CACNA1C: variants seen among roughly 807,000 people sequenced by gnomAD.
The protein encoded by CACNA1C is voltage-dependent L-type calcium channel subunit alpha-1C.
CACNA1C carries 30 observed loss-of-function variants against 229.0 expected under a neutral mutation model. The observed-to-expected ratio is 0.13, with a 90% CI of 0.10 to 0.18. The LOEUF is 0.18. CACNA1C is among the 10% of genes least tolerant of loss of function. The pLI is 1.00. For missense variants in CACNA1C, 1,658 were observed against 2,845.0 expected (o/e 0.58, Z 9.49); for synonymous variants, 1,114 against 1,132.5 (o/e 0.98, Z 0.33).
At chr12:2,049,559 T>C (rs1407031613), upstream of CACNA1C, 2 of 152,204 alleles carry the variant, frequency 1.3e-5, no homozygotes, top group Non-Finnish European at 2.9e-5. Context: ...AAATTGAGTG[T>C]CCATATGTAC....
intron 3 of CACNA1C, among the ~76,000 whole-genome samples, chr12:2,127,794 T>G (rs2090696240): frequency 6.6e-6 from 1 of 152,176 alleles, no homozygotes; most frequent in Non-Finnish European, 1.5e-5. Flanking sequence ...GGAAGAGAGA[T>G]CTGAACTGTG....
At chr12:2,495,817 C>T (rs1400236164) in intron 7 of CACNA1C, among the ~76,000 whole-genome samples, 1 of 152,224 alleles carries the variant, frequency 6.6e-6, no homozygotes, top group African/African-American at 2.4e-5. Flanking sequence ...TGCACGCCTG[C>T]AAGTGTGTAT....
At chr12:2,521,674 G>A (rs546715653) in intron 9 of CACNA1C, among the ~76,000 whole-genome samples, 4 of 152,288 alleles carry the variant, frequency 2.6e-5, no homozygotes, top group Admixed American at 6.5e-5. Context: ...CAGTGCCTGC[G>A]TTCAGTCAGT....
At chr12:2,427,291 C>G (rs928461406) in intron 3 of CACNA1C, among the ~76,000 whole-genome samples, 2 of 152,140 alleles carry the variant, frequency 1.3e-5, no homozygotes, top group African/African-American at 4.8e-5. Context: ...GGGTTTTCAG[C>G]TGTTCTTTAT....
Position 2,566,596 on chromosome 12 carries a change from C to T in CACNA1C, c.1669+14C>T. 1 of 1,584,670 alleles carries T rather than the reference C, an allele frequency of 6.3e-7. No homozygotes were observed. On this transcript the variant is annotated intron_variant, in intron 12 of 46. Transcript: ENST00000399655. The surrounding 1 kb of genome is among the most constrained non-coding windows in gnomAD (Gnocchi z 4.0). The stretch of plus-strand genomic sequence containing the variant: ...CAGAAGTCCAAGGTGAGCGGCGGCC[C>T]CAGCTCTGCTCTGGTTTCCTCCTGG...
intron 3 of CACNA1C, among the ~76,000 whole-genome samples, chr12:2,232,910 T>C (rs1389438985): frequency 6.6e-6 from 1 of 152,224 alleles, no homozygotes; most frequent in Admixed American, 6.5e-5. Flanking sequence ...CTGGTTGGCT[T>C]CTGTGCCTCT....
intron 30 of CACNA1C, among the ~76,000 whole-genome samples, chr12:2,638,567 G>A (rs1280134728): frequency 1.3e-5 from 2 of 152,212 alleles, no homozygotes; most frequent in Non-Finnish European, 2.9e-5. Flanking sequence ...AGTCAAGGGT[G>A]GAATCTGGAA....
intron 3 of CACNA1C, among the ~76,000 whole-genome samples, chr12:2,362,468 A>T (rs1349536749): frequency 3.9e-5 from 6 of 152,068 alleles, no homozygotes; most frequent in African/African-American, 1.4e-4. Context: ...TTCCTCCCCC[A>T]TAGACCCACC....
Position 2,585,709 on chromosome 12 carries a change from C to T in CACNA1C, c.2461-126C>T. 1.1e-6 allele frequency: 1 copy of T among 900,232 alleles called. No individual in the cohort carries two copies. Among genetic ancestry groups the T allele is most frequent in the Non-Finnish European group, 1.8e-6 (1 of 556,156 alleles). 55.8% of individuals were successfully genotyped at this position (900,232 alleles called of 1,614,324 possible). On this transcript the variant is annotated intron_variant, in intron 17 of 46. Transcript: ENST00000399655. This position sits in a 1 kb window ranked among gnomAD's most constrained non-coding sequence, Gnocchi z 4.1. ...CTGCTGATGTCTTGAAGGAGATATGCAAAGTGACAAGTACCTATTTTTGAG... is the reference window on the plus strand; with the variant it reads ...CTGCTGATGTCTTGAAGGAGATATGTAAAGTGACAAGTACCTATTTTTGAG...
At chr12:2,556,279 C>T (rs907260175) in intron 10 of CACNA1C, among the ~76,000 whole-genome samples, 14 of 152,172 alleles carry the variant, frequency 9.2e-5, no homozygotes, top group South Asian at 2.1e-4. Flanking sequence ...AAGGTTCTGC[C>T]TTTCCATGGA....
At chr12:2,063,184 G>T (rs1341726019) in intron 1 of CACNA1C, among the ~76,000 whole-genome samples, 2 of 136,954 alleles carry the variant, frequency 1.5e-5, no homozygotes, top group Admixed American at 7.7e-5. Flanking sequence ...GTGTAGTCTC[G>T]CTCTGTCACC....
At chr12:2,540,722 A>G (rs959388117) in intron 9 of CACNA1C, among the ~76,000 whole-genome samples, 2 of 152,170 alleles carry the variant, frequency 1.3e-5, no homozygotes, top group African/African-American at 4.8e-5. Context: ...GGCCCCATGC[A>G]CGGGAAAGAC....
rs2154503010 is a variant in CACNA1C, at chr12:2,053,702, T to C, written c.49+91T>C. The stretch of plus-strand genomic sequence containing the variant: ...GCGCTCCCCGCGGCCCCGGGGCCGG[T>C]CCCTGCGGAGTGGCCCGGGGCCGCG... On this transcript the variant is annotated intron_variant, in intron 1 of 46. Transcript: ENST00000399655. The surrounding 1 kb of genome is among the most constrained non-coding windows in gnomAD (Gnocchi z 5.8). 7.0e-6 allele frequency: 6 copies of C among 857,444 alleles called. No homozygotes were observed. The highest frequency in any genetic ancestry group is 7.8e-5 in the East Asian group (1 of 12,812). 53.1% of individuals were successfully genotyped at this position (857,444 alleles called of 1,614,324 possible). A position where few individuals can be genotyped will look rare whatever the true frequency, so the allele number is the denominator to read the frequency against.
Position 2,067,198 on chromosome 12 carries a change from G to A in CACNA1C, c.49+13587G>A, listed in dbSNP as rs2059571123. Among the ~76,000 whole-genome samples the A allele has an allele frequency of 6.6e-6, 1 of 152,144 alleles. No individual in the cohort carries two copies. Among genetic ancestry groups the A allele is most frequent in the African/African-American group, 2.4e-5 (1 of 41,438 alleles). ...GAGCTGGTGTGGGAGAATCAAGGTG[G>A]CCAGTGGGATGCAGGAGCCAGGATG... On this transcript the variant is annotated intron_variant, in intron 1 of 46. Transcript: ENST00000399655. This position sits in a 1 kb window ranked among gnomAD's most constrained non-coding sequence, Gnocchi z 5.3.
At chr12:2,271,207 A>AT (rs972059811) in intron 3 of CACNA1C, among the ~76,000 whole-genome samples, 10 of 152,178 alleles carry the variant, frequency 6.6e-5, no homozygotes, top group Non-Finnish European at 1.2e-4. Context: ...TCCAGGGCCA[A>AT]TTTGGGTGAA....
At chr12:2,290,863 C>T (rs1438030194) in intron 3 of CACNA1C, among the ~76,000 whole-genome samples, 1 of 152,220 alleles carries the variant, frequency 6.6e-6, no homozygotes, top group Middle Eastern at 3.2e-3. Context: ...GCAGTCATTT[C>T]AGGATCTTGG....
At chr12:2,168,379 C>G (rs1169734703) in intron 3 of CACNA1C, among the ~76,000 whole-genome samples, 1 of 152,188 alleles carries the variant, frequency 6.6e-6, no homozygotes, top group African/African-American at 2.4e-5. Flanking sequence ...TCATTAATGT[C>G]TCTTATGGCT....
rs1440431948 is a variant in CACNA1C, at chr12:2,683,709, A to C, written c.5573+1031A>C. On this transcript the variant is annotated intron_variant, in intron 43 of 46. Transcript: ENST00000399655. ...GACACTTTTCCAGGGGTTTAGAGAG[A>C]AGCTCCCACTTCTCTATTATTTTCT... 2.0e-5 allele frequency among the ~76,000 whole-genome samples: 3 copies of C among 152,006 alleles called. No homozygotes were observed. In the East Asian group the frequency reaches 5.8e-4, roughly 30 times the overall value.
At chr12:2,386,388 C>A (rs1368200821) in intron 3 of CACNA1C, among the ~76,000 whole-genome samples, 1 of 152,180 alleles carries the variant, frequency 6.6e-6, no homozygotes, top group East Asian at 1.9e-4. Flanking sequence ...AGCCTCATCT[C>A]TTAGAAAAAC....
Sources: allele counts gnomAD v4.1 joint callset (sites outside exome capture counted in the v4.1 genomes callset), GRCh38; gene constraint gnomAD v4.1.1; non-coding constraint Gnocchi (gnomAD v3.1); transcripts MANE v1.5; gene names NCBI Gene and HGNC (gene_info 2026-07-23, HGNC 2026-07-21).